TIMM17A: variants seen among roughly 807,000 people sequenced by gnomAD.
TIMM17A encodes translocase of inner mitochondrial membrane 17A.
Under a neutral mutation model 26.5 loss-of-function variants are expected in TIMM17A, and 15 were observed. The observed-to-expected ratio is 0.57, with a 90% CI of 0.38 to 0.87. TIMM17A has a LOEUF of 0.87. Ranked by LOEUF, TIMM17A falls within the 40% of genes least tolerant of loss-of-function variation. TIMM17A has a pLI of 0.00. For missense variants in TIMM17A, 201 were observed against 210.0 expected, an observed-to-expected ratio of 0.96 and a Z score of 0.27; for synonymous variants, 80 against 70.8, an observed-to-expected ratio of 1.13 and a Z score of -0.66.
At chr1:201,958,476 G>A (rs1682468866) in intron 3 of TIMM17A, among the ~76,000 whole-genome samples, 1 of 152,268 alleles carries the variant, frequency 6.6e-6, no homozygotes, top group African/African-American at 2.4e-5. Context: ...GCTGAGTTAG[G>A]CAGATAGCTT....
At chr1:201,966,042 T>C (rs1225022145) in intron 5 of TIMM17A, among the ~76,000 whole-genome samples, 4 of 152,202 alleles carry the variant, frequency 2.6e-5, no homozygotes, top group Non-Finnish European at 5.9e-5. Context: ...GTGACTCATA[T>C]TTGGGAAGGT....
At chr1:201,961,413 TC>T (rs1266221639) in intron 3 of TIMM17A, among the ~76,000 whole-genome samples, 3 of 152,178 alleles carry the variant, frequency 2.0e-5, no homozygotes, top group Non-Finnish European at 4.4e-5. Flanking sequence ...TTTTGACATG[TC>T]CCTGTTACTC....
At chr1:201,959,771 G>A (rs938667060) in intron 3 of TIMM17A, among the ~76,000 whole-genome samples, 10 of 151,630 alleles carry the variant, frequency 6.6e-5, no homozygotes, top group African/African-American at 1.9e-4. Flanking sequence ...TGAGGAGAGC[G>A]AGACTACCCT....
Position 201,957,342 on chromosome 1 carries a change from A to G in TIMM17A, c.88A>G (p.Ile30Val), listed in dbSNP as rs757756350. 22 of 1,614,116 alleles carry G rather than the reference A, an allele frequency of 1.4e-5. No individual in the cohort carries two copies. The African/African-American group carries it at 2.4e-4, about 18-fold the overall frequency. ...AFTMGTIGGG[I>V]FQAIKGFRNS... ...TACGATGGGTACCATTGGTGGTGGT[A>G]TCTTTCAAGCAATCAAAGGTTTTCG... Residue 30 changes from isoleucine to valine, a missense_variant, in exon 2 of 6, where the codon ATC (isoleucine) becomes GTC (valine). Coordinates refer to ENST00000367287, the MANE Select transcript of TIMM17A (RefSeq NM_006335.3).
rs1682695048 is a variant in TIMM17A at position 201,969,526 on chromosome 1, C to T, written c.488C>T (p.Pro163Leu). Residue 163 changes from proline to leucine, a missense_variant, in exon 6 of 6, where the codon CCT (proline) becomes CTT (leucine). Physicochemically the swap from Pro to Leu is moderately conservative, Grantham distance 98. Transcript: ENST00000367287. ...QLPSTQLPSSPFGDYRQYQ is the reference protein window; with the variant it reads ...QLPSTQLPSSLFGDYRQYQ Reference sequence around the variant, plus strand: ...CCTTCAACTCAGTTACCTTCCTCACCTTTTGGAGACTATCGACAATATCAG... The same window carrying T: ...CCTTCAACTCAGTTACCTTCCTCACTTTTTGGAGACTATCGACAATATCAG... The T allele has an allele frequency of 6.2e-7, 1 of 1,613,936 alleles. No individual in the cohort carries two copies. The highest frequency in any genetic ancestry group is 1.3e-5 in the African/African-American group (1 of 75,030).
chr1:201,957,175 G>A lies in TIMM17A; in HGVS notation c.27-106G>A. Reference sequence around the variant, plus strand: ...GGCCAAATATTTATTGGTTGCAGTGGGCCCTGCAGTATAATCTGTTCCATT... The same window carrying A: ...GGCCAAATATTTATTGGTTGCAGTGAGCCCTGCAGTATAATCTGTTCCATT... On this transcript the variant is annotated intron_variant, in intron 1 of 5. Coordinates refer to ENST00000367287, the MANE Select transcript of TIMM17A (RefSeq NM_006335.3). 5.9e-6 allele frequency: 4 copies of A among 680,954 alleles called. No homozygotes were observed. In the East Asian group the frequency reaches 1.0e-4, roughly 18 times the overall value. 42.2% of individuals were successfully genotyped at this position (680,954 alleles called of 1,614,324 possible).
intron 3 of TIMM17A, among the ~76,000 whole-genome samples, chr1:201,959,209 A>G (rs1312939057): frequency 1.3e-5 from 2 of 152,208 alleles, no homozygotes; most frequent in African/African-American, 4.8e-5. Flanking sequence ...CTAAATTATT[A>G]GCTGGGCCCG....
chr1:201,956,827 G>A (rs1008970710), intron 1 of TIMM17A, among the ~76,000 whole-genome samples: 3 of 151,878 alleles, frequency 2.0e-5, no homozygotes, highest in African/African-American at 7.3e-5. Flanking sequence ...GTGGTGGCAC[G>A]CGCCTGTAGT....
intron 1 of TIMM17A, 125 bp from the exon 2 acceptor site, chr1:201,957,156 A>G: frequency 1.6e-6 from 1 of 630,036 alleles, no homozygotes; most frequent in Non-Finnish European, 2.8e-6. Flanking sequence ...TATAGGCCAA[A>G]TATTTATTGG....
chr1:201,960,596 T>C (rs1682506578), intron 3 of TIMM17A, among the ~76,000 whole-genome samples: 1 of 152,152 alleles, frequency 6.6e-6, no homozygotes. Flanking sequence ...TTAGCCTTTT[T>C]TAGGAAGCTA....
chr1:201,961,087 C>T (rs371551364), intron 3 of TIMM17A, among the ~76,000 whole-genome samples: 67 of 118,244 alleles, frequency 5.7e-4, no homozygotes, highest in East Asian at 2.2e-3. Flanking sequence ...TTTTTTGAAA[C>T]GGAATTTCGC....
intron 1 of TIMM17A, 86 bp downstream of exon 1, chr1:201,955,638 C>T: frequency 6.4e-7 from 1 of 1,573,556 alleles, no homozygotes; most frequent in Non-Finnish European, 8.7e-7. Flanking sequence ...AAGGTGCAAG[C>T]CAGACTCAAC....
intron 3 of TIMM17A, chr1:201,963,386 T>G (rs1682569426): frequency 7.2e-6 from 3 of 415,574 alleles, no homozygotes; most frequent in Non-Finnish European, 1.3e-5. Context: ...GGCTTATTTC[T>G]TATAGGCTTT....
chr1:201,962,718 C>A (rs966404762), intron 3 of TIMM17A: 2 of 152,192 alleles, frequency 1.3e-5, no homozygotes, highest in African/African-American at 4.8e-5. Context: ...AAATTCATAT[C>A]TGAGGAATAA....
intron 3 of TIMM17A, among the ~76,000 whole-genome samples, chr1:201,958,594 G>T (rs531520636): frequency 6.6e-6 from 1 of 152,262 alleles, no homozygotes; most frequent in South Asian, 2.1e-4. Flanking sequence ...CCAGCTACTA[G>T]GGAGGCTGAC....
At chr1:201,964,909 A>G (rs1341961186) in intron 4 of TIMM17A, among the ~76,000 whole-genome samples, 2 of 150,976 alleles carry the variant, frequency 1.3e-5, no homozygotes, top group African/African-American at 4.9e-5. Flanking sequence ...CGGCCTCCCA[A>G]AGTGTTGGGA....
chr1:201,966,820 C>G (rs919661868), intron 5 of TIMM17A, among the ~76,000 whole-genome samples: 3 of 148,766 alleles, frequency 2.0e-5, no homozygotes, highest in Non-Finnish European at 4.4e-5. Flanking sequence ...CCAGCCTGGG[C>G]AACAGAGCAA....
At chr1:201,957,619 T>C (rs767702924) in intron 3 of TIMM17A, 45 bp downstream of exon 3, 70 of 1,481,512 alleles carry the variant, frequency 4.7e-5, no homozygotes, top group Non-Finnish European at 6.1e-5. Context: ...TTTCTGTTCC[T>C]TTGAAGATGG....
In TIMM17A at chr1:201,963,729, A is replaced by C. The variant is rs1326928267; in HGVS notation, c.304A>C (p.Ile102Leu). 6.2e-7 allele frequency: 1 copy of C among 1,603,944 alleles called. No individual in the cohort carries two copies. Among genetic ancestry groups the C allele is most frequent in the African/African-American group, 1.3e-5 (1 of 74,184 alleles). ...CACAAGTGGTGCCTTAACGGGAGCC[A>C]TACTGGCAGCAAGAAGTAAGTAGTC... ...SITSGALTGA[I>L]LAARNGPVAM... is the part of the protein sequence containing the mutation. Residue 102 changes from isoleucine (I) to leucine (L), a missense_variant, in exon 4 of 6, where the codon ATA (isoleucine) becomes CTA (leucine). Coordinates refer to ENST00000367287, the MANE Select transcript of TIMM17A (RefSeq NM_006335.3).
Sources: allele counts gnomAD v4.1 joint callset (sites outside exome capture counted in the v4.1 genomes callset), GRCh38; gene constraint gnomAD v4.1.1; transcripts MANE v1.5; gene names NCBI Gene and HGNC (gene_info 2026-07-23, HGNC 2026-07-21).